The following TAS2R1 variants were observed in gnomAD, a reference collection of about 807,000 sequenced individuals.
TAS2R1 encodes the protein taste receptor type 2 member 1.
For missense variants in TAS2R1, 370 were observed against 353.4 expected (o/e 1.05, Z -0.38); for synonymous variants, 141 against 134.2 (o/e 1.05, Z -0.35).
At chr5:9,650,320 C>T (rs1011016025) in intron 2 of TAS2R1, among the ~76,000 whole-genome samples, 1 of 151,888 alleles carries the variant, frequency 6.6e-6, no homozygotes, top group Non-Finnish European at 1.5e-5. Flanking sequence ...TCTGCATTTG[C>T]CCCTGAATGC....
the TAS2R1 span, among the ~76,000 whole-genome samples, chr5:9,808,363 T>C: frequency 6.6e-6 from 1 of 151,940 alleles, no homozygotes; most frequent in Non-Finnish European, 1.5e-5. Context: ...AGGAGATTTC[T>C]GAGCAAAGTG....
chr5:9,788,510 C>T, the TAS2R1 span, among the ~76,000 whole-genome samples: 4 of 152,018 alleles, frequency 2.6e-5, no homozygotes, highest in African/African-American at 9.7e-5. Flanking sequence ...CCTAAAAACC[C>T]GTGAGAGCTA....
At chr5:9,806,505 G>A in the TAS2R1 span, among the ~76,000 whole-genome samples, 1 of 151,980 alleles carries the variant, frequency 6.6e-6, no homozygotes, top group African/African-American at 2.4e-5. Flanking sequence ...ACTACTATAA[G>A]GCCATTGTCA....
At chr5:9,820,912 T>C in the TAS2R1 span, among the ~76,000 whole-genome samples, 1 of 152,064 alleles carries the variant, frequency 6.6e-6, no homozygotes. Context: ...CCAGCATTCC[T>C]GAGCTCTCCT....
rs960991893 is a variant in TAS2R1 at position 9,692,931 on chromosome 5, C to T, written c.-242+19241G>A. Among the ~76,000 whole-genome samples, 4 of 152,026 alleles carry T rather than the reference C, an allele frequency of 2.6e-5. No homozygotes were observed. The South Asian group carries it at 6.2e-4, about 24-fold the overall frequency. ...CAATATCTGGGGCACATGCTGAAGG[C>T]GGCTCATTTGGTTTATCTCTCTCTA... On this transcript the variant is annotated intron_variant, in intron 1 of 2. Transcript: ENST00000506620.
the TAS2R1 span, among the ~76,000 whole-genome samples, chr5:9,725,469 G>A: frequency 6.6e-6 from 1 of 152,222 alleles, no homozygotes; most frequent in African/African-American, 2.4e-5. Flanking sequence ...CGGGCCAGCA[G>A]CTGTGAAGGG....
chr5:9,782,479 G>T, the TAS2R1 span, among the ~76,000 whole-genome samples: 1 of 152,086 alleles, frequency 6.6e-6, no homozygotes, highest in Admixed American at 6.6e-5. Context: ...GGCTGGGGGG[G>T]TCCCACCCAC....
At chr5:9,902,587 G>A in the TAS2R1 span, 5 of 151,994 alleles carry the variant, frequency 3.3e-5, no homozygotes, top group Non-Finnish European at 5.9e-5. Flanking sequence ...TAGAGGTGAG[G>A]TCACAGGGCA....
chr5:9,879,533 A>G, the TAS2R1 span, among the ~76,000 whole-genome samples: 8 of 152,154 alleles, frequency 5.3e-5, no homozygotes, highest in African/African-American at 1.9e-4. Context: ...ATTCTGGTAG[A>G]CCTATAGCAA....
At chr5:9,656,619 T>C (rs1215098000) in intron 2 of TAS2R1, among the ~76,000 whole-genome samples, 1 of 152,200 alleles carries the variant, frequency 6.6e-6, no homozygotes, top group Non-Finnish European at 1.5e-5. Flanking sequence ...GAGAGGGCAA[T>C]CTGATTGACT....
At chr5:9,718,064 AT>A in the TAS2R1 span, among the ~76,000 whole-genome samples, 1 of 151,856 alleles carries the variant, frequency 6.6e-6, no homozygotes, top group South Asian at 2.1e-4. Context: ...GGTTCAAGCA[AT>A]TCTCCTGCCT....
chr5:9,778,955 G>C, the TAS2R1 span, among the ~76,000 whole-genome samples: 1 of 152,246 alleles, frequency 6.6e-6, no homozygotes. Flanking sequence ...TTTGGCACAA[G>C]AGACTTAGCT....
chr5:9,770,971 GC>G, the TAS2R1 span, among the ~76,000 whole-genome samples: 6 of 152,110 alleles, frequency 3.9e-5, no homozygotes, highest in Non-Finnish European at 8.8e-5. Context: ...TTGTCATGTT[GC>G]AGATCAGAAA....
At chr5:9,844,903 A>T in the TAS2R1 span, among the ~76,000 whole-genome samples, 1 of 152,182 alleles carries the variant, frequency 6.6e-6, no homozygotes, top group Admixed American at 6.5e-5. Flanking sequence ...TGATATTTAC[A>T]TGATCAATGT....
At chr5:9,632,419 C>T (rs762690023), upstream of TAS2R1, among the ~76,000 whole-genome samples, 1 of 152,114 alleles carries the variant, frequency 6.6e-6, no homozygotes, top group African/African-American at 2.4e-5. Context: ...GTGGCTGTGG[C>T]AATTTCTTAA....
intron 1 of TAS2R1, among the ~76,000 whole-genome samples, chr5:9,660,524 A>G (rs1740514306): frequency 6.6e-6 from 1 of 152,166 alleles, no homozygotes; most frequent in African/African-American, 2.4e-5. Flanking sequence ...AACATGGGAA[A>G]TGAAACCCAA....
At chr5:9,679,349 T>G (rs1222568817) in intron 1 of TAS2R1, among the ~76,000 whole-genome samples, 1 of 152,202 alleles carries the variant, frequency 6.6e-6, no homozygotes, top group Admixed American at 6.5e-5. Context: ...TTAGTGAATA[T>G]GAATTTAAAA....
the TAS2R1 span, among the ~76,000 whole-genome samples, chr5:9,804,696 CAAT>C: frequency 1.3e-5 from 2 of 151,918 alleles, no homozygotes; most frequent in Non-Finnish European, 2.9e-5. Context: ...TTGAACTGAA[CAAT>C]AACAGTGATA....
chr5:9,864,892 C>T, the TAS2R1 span, among the ~76,000 whole-genome samples: 4 of 152,236 alleles, frequency 2.6e-5, no homozygotes, highest in Non-Finnish European at 5.9e-5. Flanking sequence ...CAAACTGCCC[C>T]ATAACCAAGC....
Sources: allele counts gnomAD v4.1 joint callset (sites outside exome capture counted in the v4.1 genomes callset), GRCh38; gene constraint gnomAD v4.1.1; transcripts MANE v1.5; gene names NCBI Gene and HGNC (gene_info 2026-07-23, HGNC 2026-07-21).